Variants in CHD2 observed in about 807,000 individuals in gnomAD.
CHD2 encodes ATP-dependent chromatin remodeler CHD2.
CHD2 carries 28 observed loss-of-function variants against 243.9 expected under a neutral mutation model. The observed-to-expected ratio is 0.11, with a 90% CI of 0.09 to 0.16. CHD2 has a LOEUF of 0.16. CHD2 is among the 10% of genes least tolerant of loss of function. CHD2 has a pLI of 1.00. For missense variants in CHD2, 1,386 were observed against 2,209.8 expected (o/e 0.63, Z 7.47); for synonymous variants, 775 against 779.0 (o/e 0.99, Z 0.09).
At chr15:92,932,138 A>C (rs981911873) in intron 5 of CHD2, among the ~76,000 whole-genome samples, 2 of 152,170 alleles carry the variant, frequency 1.3e-5, no homozygotes, top group African/African-American at 4.8e-5. Flanking sequence ...CTGGGATTGC[A>C]GGCTTGAGCC....
intron 17 of CHD2, 123 bp downstream of exon 17, chr15:92,967,636 C>G (rs2053783525): frequency 1.8e-6 from 1 of 569,408 alleles, no homozygotes; most frequent in African/African-American, 2.0e-5. Flanking sequence ...CGCGATTCTG[C>G]TGCCTCAGCC....
intron 2 of CHD2, chr15:92,904,545 G>C (rs1430389131): frequency 2.0e-6 from 2 of 1,002,744 alleles, no homozygotes; most frequent in African/African-American, 1.7e-5. Context: ...TTCTTTCCTG[G>C]ACGCGTTTGC....
intron 26 of CHD2, among the ~76,000 whole-genome samples, chr15:92,988,793 C>G (rs1350524995): frequency 6.6e-6 from 1 of 151,866 alleles, no homozygotes; most frequent in Non-Finnish European, 1.5e-5. Context: ...GTTTTCAACT[C>G]TAGAATTTCT....
chr15:92,974,526 C>T (rs576367198), intron 19 of CHD2, among the ~76,000 whole-genome samples: 1 of 152,244 alleles, frequency 6.6e-6, no homozygotes, highest in East Asian at 1.9e-4. Flanking sequence ...ACCCGTGGTC[C>T]TATTTCCTAA....
chr15:92,971,664 T>C, intron 17 of CHD2, 101 bp from the exon 18 acceptor site: 1 of 1,052,534 alleles, frequency 9.5e-7, no homozygotes, highest in Non-Finnish European at 1.3e-6. Flanking sequence ...TTAGGCCTCT[T>C]TTTTTCTCCA....
At chr15:93,019,186 A>G (rs1248172175) in intron 37 of CHD2, among the ~76,000 whole-genome samples, 2 of 152,332 alleles carry the variant, frequency 1.3e-5, no homozygotes, top group Admixed American at 6.5e-5. Flanking sequence ...GGGAAGAATA[A>G]TAGAATCGGT....
chr15:92,909,704 A>G (rs1289251699), intron 2 of CHD2, among the ~76,000 whole-genome samples: 1 of 151,792 alleles, frequency 6.6e-6, no homozygotes, highest in Non-Finnish European at 1.5e-5. Flanking sequence ...CCACCTGTCT[A>G]ATTTTTGTAG....
chr15:92,964,813 A>G lies in CHD2; in HGVS notation c.2001-2512A>G, dbSNP rs558889716. On this transcript the variant is annotated intron_variant, in intron 16 of 38. Coordinates refer to ENST00000394196, the MANE Select transcript of CHD2 (RefSeq NM_001271.4). ...TAAAGACCATCATGTGCAAATATAT[A>G]CTTCAGACTTACCGCAGAAAACAAG... Among the ~76,000 whole-genome samples the G allele has an allele frequency of 7.9e-5, 12 of 152,360 alleles. 1 individual carries two copies. Among genetic ancestry groups the G allele is most frequent in the African/African-American group, 2.9e-4 (12 of 41,584 alleles).
intron 2 of CHD2, among the ~76,000 whole-genome samples, chr15:92,909,807 G>T (rs1270926005): frequency 6.6e-6 from 1 of 151,964 alleles, no homozygotes; most frequent in East Asian, 1.9e-4. Context: ...GTGAGCCACC[G>T]TACCTGGCCT....
chr15:92,949,254 T>C, intron 13 of CHD2, 178 bp downstream of exon 13: 1 of 1,418,928 alleles, frequency 7.0e-7, no homozygotes, highest in African/African-American at 1.4e-5. Context: ...GGAGTTTTTA[T>C]GTATGTGTAA....
chr15:92,972,527 A>C, intron 19 of CHD2, 110 bp downstream of exon 19: 1 of 1,009,896 alleles, frequency 9.9e-7, no homozygotes, highest in African/African-American at 1.7e-5. Flanking sequence ...GTAGGAAGTA[A>C]GAGTTTTCTT....
intron 26 of CHD2, among the ~76,000 whole-genome samples, chr15:92,988,873 T>C (rs1016239228): frequency 6.6e-6 from 1 of 152,070 alleles, no homozygotes; most frequent in African/African-American, 2.4e-5. Context: ...TTTCGACCTT[T>C]CTTTTTAATT....
intron 12 of CHD2, among the ~76,000 whole-genome samples, chr15:92,947,757 G>T (rs1001216014): frequency 3.9e-5 from 6 of 152,138 alleles, no homozygotes; most frequent in African/African-American, 1.4e-4. Flanking sequence ...GGAGTGGATG[G>T]ATGGCTGGGT....
rs550110872 is a variant in CHD2, at chr15:92,964,286, C to A, written c.2001-3039C>A. 5.3e-5 allele frequency among the ~76,000 whole-genome samples: 8 copies of A among 152,214 alleles called. No homozygotes were observed. In the East Asian group the frequency reaches 1.5e-3, roughly 29 times the overall value. On this transcript the variant is annotated intron_variant, in intron 16 of 38. Transcript: ENST00000394196. ...GCATTGTCATTTTCAAATAAAGTTT[C>A]AAAATTGTTGTTCACAAAGATATGT... is the stretch of plus-strand genomic sequence containing the variant.
intron 38 of CHD2, chr15:93,021,135 C>A (rs2054530368): frequency 6.6e-6 from 1 of 152,132 alleles, no homozygotes; most frequent in Non-Finnish European, 1.5e-5. Context: ...GTATATATGC[C>A]TGAAAAAGTA....
At chr15:92,974,470 A>C in intron 19 of CHD2, among the ~76,000 whole-genome samples, 1 of 152,362 alleles carries the variant, frequency 6.6e-6, no homozygotes, top group East Asian at 1.9e-4. Flanking sequence ...TTTTAGCCAC[A>C]TTAGCTAAGA....
intron 6 of CHD2, among the ~76,000 whole-genome samples, chr15:92,938,779 A>T (rs2053309640): frequency 6.6e-6 from 1 of 152,154 alleles, no homozygotes; most frequent in African/African-American, 2.4e-5. Flanking sequence ...TTTATCACTG[A>T]TGGAATATTT....
At chr15:92,914,822 A>G (rs1160752919) in intron 2 of CHD2, among the ~76,000 whole-genome samples, 1 of 152,252 alleles carries the variant, frequency 6.6e-6, no homozygotes, top group Non-Finnish European at 1.5e-5. Context: ...CCCATTGGGC[A>G]TGGTGGAACA....
intron 37 of CHD2, among the ~76,000 whole-genome samples, chr15:93,019,177 G>A (rs1442274090): frequency 6.6e-6 from 1 of 152,126 alleles, no homozygotes; most frequent in Non-Finnish European, 1.5e-5. Context: ...TGCAGAATAG[G>A]GAAGAATAAT....
Sources: gnomAD v4.1 joint callset for allele counts (sites outside exome capture counted in the v4.1 genomes callset) on GRCh38, gnomAD v4.1.1 for gene constraint, MANE v1.5 for transcripts, NCBI Gene and HGNC (gene_info 2026-07-23, HGNC 2026-07-21) for gene names.